DACH2: variants seen among roughly 807,000 people sequenced by gnomAD.
The protein encoded by DACH2 is dachshund homolog 2.
A neutral mutation model predicts 35.8 loss-of-function variants in DACH2; 17 were observed. That is an observed-to-expected ratio of 0.48 (90% CI 0.33 to 0.71). The LOEUF (loss-of-function observed/expected upper bound fraction) is 0.71, where lower values mean the gene tolerates loss of function less well. Ranked by LOEUF, DACH2 falls within the 30% of genes least tolerant of loss-of-function variation. The probability of loss-of-function intolerance (pLI) is 0.02; values close to 1 mark genes in which losing one functional copy is unlikely to be tolerated. For missense variants in DACH2, 469 were observed against 472.7 expected (o/e 0.99, Z 0.07); for synonymous variants, 195 against 177.3 (o/e 1.10, Z -0.79).
chrX:86,813,199 C>G lies in DACH2; in HGVS notation c.1459C>G (p.Leu487Val). ...GCAGATTCAACAAGAAAAGAAGGAG[C>G]TGCGACTGGAGCTCTATAGAGAGAG... ...EKQIQQEKKE[L>V]RLELYREREI... is the part of the protein sequence containing the mutation. Residue 487 changes from leucine to valine, a missense_variant, in exon 9 of 12, where the codon CTG becomes GTG. By Grantham distance (32) the Leu-to-Val change is conservative. Coordinates refer to ENST00000373125, the MANE Select transcript of DACH2 (RefSeq NM_053281.3). 8.3e-7 allele frequency: 1 copy of G among 1,206,831 alleles called. No individual in the cohort carries two copies. Among genetic ancestry groups the G allele is most frequent in the Non-Finnish European group, 1.1e-6 (1 of 893,182 alleles).
At chrX:86,616,035 G>T (rs1326706048) in intron 3 of DACH2, among the ~76,000 whole-genome samples, 1 of 110,875 alleles carries the variant, frequency 9.0e-6, no homozygotes, top group African/African-American at 3.3e-5. Context: ...TATTCGTTCT[G>T]TTTCTACATT....
intron 11 of DACH2, chrX:86,831,556 C>T (rs2042611974): frequency 9.0e-6 from 1 of 110,913 alleles, no homozygotes; most frequent in Non-Finnish European, 1.9e-5. Context: ...TATTATCTAA[C>T]TCTAGGATGG....
intron 11 of DACH2, among the ~76,000 whole-genome samples, chrX:86,816,306 A>G (rs771597157): frequency 9.0e-6 from 1 of 111,727 alleles, no homozygotes; most frequent in Non-Finnish European, 1.9e-5. Flanking sequence ...AAAACCCAAT[A>G]ACTCTGGTTA....
At chrX:86,666,622 A>T (rs187975386) in intron 4 of DACH2, among the ~76,000 whole-genome samples, 1 of 111,919 alleles carries the variant, frequency 8.9e-6, no homozygotes, top group Admixed American at 9.5e-5. Context: ...CCTGAGCCTC[A>T]GTTTTCTGAT....
rs538344544 is a variant in DACH2, at chrX:86,439,537, C to T, written c.527+62675C>T. On this transcript the variant is annotated intron_variant, in intron 2 of 11. Coordinates refer to ENST00000373125, the MANE Select transcript of DACH2 (RefSeq NM_053281.3). Reference sequence around the variant, plus strand: ...AGTAACTTTATAGCTTTTGGTCTCACGTTTGAATCTTTAATCTATCTTGAG... The same window carrying T: ...AGTAACTTTATAGCTTTTGGTCTCATGTTTGAATCTTTAATCTATCTTGAG... 1.7e-4 allele frequency among the ~76,000 whole-genome samples: 19 copies of T among 111,306 alleles called. 1 individual carries two copies. The South Asian group carries it at 4.4e-3, about 26-fold the overall frequency.
chrX:86,830,268 T>TCAG (rs2042600046), intron 11 of DACH2: 2 of 112,049 alleles, frequency 1.8e-5, no homozygotes, highest in Non-Finnish European at 3.8e-5. Context: ...TTCCTTATGA[T>TCAG]CATTCAGCAT....
chrX:86,416,773 G>C (rs1014521788), intron 2 of DACH2, among the ~76,000 whole-genome samples: 5 of 110,413 alleles, frequency 4.5e-5, no homozygotes, highest in African/African-American at 1.7e-4. Context: ...AAGAGAGAGA[G>C]GGGAGGGAAT....
At chrX:86,247,053 A>T (rs960843707) in intron 1 of DACH2, among the ~76,000 whole-genome samples, 9 of 111,983 alleles carry the variant, frequency 8.0e-5, no homozygotes, top group Admixed American at 2.9e-4. Context: ...AACAAATTTT[A>T]AACCAATGAA....
chrX:86,380,708 C>A (rs1042271213), intron 2 of DACH2, among the ~76,000 whole-genome samples: 1 of 110,173 alleles, frequency 9.1e-6, no homozygotes, highest in Non-Finnish European at 1.9e-5. Flanking sequence ...TTTTACTCCA[C>A]AAATGAAAGA....
At chrX:86,596,646 A>G (rs766161020) in intron 3 of DACH2, among the ~76,000 whole-genome samples, 7 of 111,298 alleles carry the variant, frequency 6.3e-5, no homozygotes, top group African/African-American at 2.3e-4. Flanking sequence ...ATAGTTTTAA[A>G]ATATTCTCTC....
At chrX:86,399,323 G>C (rs767671273) in intron 2 of DACH2, among the ~76,000 whole-genome samples, 40 of 111,721 alleles carry the variant, frequency 3.6e-4, no homozygotes, top group African/African-American at 1.3e-3. Flanking sequence ...GATGGGTCTT[G>C]ACTCTTTATC....
intron 3 of DACH2, among the ~76,000 whole-genome samples, chrX:86,632,743 T>G (rs1311429661): frequency 9.0e-6 from 1 of 110,878 alleles, no homozygotes; most frequent in Non-Finnish European, 1.9e-5. Context: ...TCATATCAAG[T>G]ATTTTCTCAG....
chrX:86,357,994 G>A (rs1042539853), intron 1 of DACH2, among the ~76,000 whole-genome samples: 3 of 111,668 alleles, frequency 2.7e-5, no homozygotes, highest in East Asian at 5.7e-4. Flanking sequence ...AAATGTGTGT[G>A]GGTGTGTACA....
intron 3 of DACH2, among the ~76,000 whole-genome samples, chrX:86,523,844 T>G (rs767065885): frequency 9.0e-6 from 1 of 111,087 alleles, no homozygotes; most frequent in Non-Finnish European, 1.9e-5. Flanking sequence ...TCTTAAGACT[T>G]CAGGCCACAT....
intron 4 of DACH2, among the ~76,000 whole-genome samples, chrX:86,675,746 A>AG (rs1556367499): frequency 3.4e-4 from 35 of 101,780 alleles, no homozygotes; most frequent in African/African-American, 1.3e-3. Flanking sequence ...TGAAATTAAG[A>AG]GTTTTTTTTT....
intron 2 of DACH2, among the ~76,000 whole-genome samples, chrX:86,506,162 C>T (rs948520911): frequency 3.6e-5 from 4 of 111,347 alleles, no homozygotes; most frequent in African/African-American, 1.3e-4. Context: ...ACGTGGTAGC[C>T]AGGCTGGGCT....
intron 1 of DACH2, among the ~76,000 whole-genome samples, chrX:86,369,062 C>T (rs1026178031): frequency 9.0e-5 from 10 of 110,498 alleles, no homozygotes; most frequent in Non-Finnish European, 1.7e-4. Flanking sequence ...TACTTTTGCG[C>T]ACAAAATAGT....
Position 86,276,233 on chromosome X carries a change from G to T in DACH2, c.489-100591G>T, listed in dbSNP as rs147091405. 5.2e-4 allele frequency among the ~76,000 whole-genome samples: 58 copies of T among 111,828 alleles called. No homozygotes were observed. The East Asian group carries it at 6.8e-3, about 13-fold the overall frequency. On this transcript the variant is annotated intron_variant, in intron 1 of 11. Coordinates refer to ENST00000373125, the MANE Select transcript of DACH2 (RefSeq NM_053281.3). ...TTTGGATATAAGCCATTTGAACTAG[G>T]GTGAGATGATAGATCATTGTAGTTT... is the stretch of plus-strand genomic sequence containing the variant.
intron 2 of DACH2, among the ~76,000 whole-genome samples, chrX:86,379,889 C>CA (rs1465312575): frequency 9.1e-6 from 1 of 110,477 alleles, no homozygotes; most frequent in Non-Finnish European, 1.9e-5. Context: ...GTTTTGACCA[C>CA]AAGTAATCTG....
Sources: allele counts gnomAD v4.1 joint callset (sites outside exome capture counted in the v4.1 genomes callset), GRCh38; gene constraint gnomAD v4.1.1; transcripts MANE v1.5; gene names NCBI Gene and HGNC (gene_info 2026-07-23, HGNC 2026-07-21).